Variants in FOCAD observed in about 807,000 individuals in gnomAD.
FOCAD encodes KIAA1797.
In FOCAD, 198 loss-of-function variants were observed where a neutral mutation model predicts 225.6. The observed-to-expected ratio is 0.88, with a 90% CI of 0.78 to 0.99. The LOEUF (loss-of-function observed/expected upper bound fraction) is 0.99, where lower values mean the gene tolerates loss of function less well. Ranked by LOEUF, FOCAD falls within the 50% of genes least tolerant of loss-of-function variation. The pLI, the probability that FOCAD is intolerant of heterozygous loss-of-function variation, is 0.00. For synonymous variants in FOCAD, 897 were observed against 755.0 expected (o/e 1.19, Z -3.08); for missense variants, 2,713 against 2,123.6 (o/e 1.28, Z -5.46).
intron 35 of FOCAD, among the ~76,000 whole-genome samples, chr9:20,954,618 A>T (rs539658534): frequency 6.6e-6 from 1 of 152,182 alleles, no homozygotes; most frequent in South Asian, 2.1e-4. Context: ...ACAACAGGAA[A>T]TGTTCTGCTA....
intron 5 of FOCAD, among the ~76,000 whole-genome samples, chr9:20,752,249 A>G (rs1024699766): frequency 6.6e-6 from 1 of 151,566 alleles, no homozygotes; most frequent in African/African-American, 2.4e-5. Flanking sequence ...TATGTCCTGA[A>G]TGGTAATGCC....
intron 2 of FOCAD, among the ~76,000 whole-genome samples, chr9:20,673,655 C>T (rs951087495): frequency 3.3e-5 from 5 of 152,002 alleles, no homozygotes; most frequent in East Asian, 1.9e-4. Flanking sequence ...AGTGCAGTGG[C>T]GTGATGGCGT....
chr9:20,674,940 A>C (rs944367790), intron 2 of FOCAD, among the ~76,000 whole-genome samples: 2 of 152,168 alleles, frequency 1.3e-5, no homozygotes, highest in Admixed American at 6.5e-5. Context: ...CCAGGGTGAG[A>C]TGGGGTAGAG....
chr9:20,731,716 C>T (rs1020161588), intron 4 of FOCAD, among the ~76,000 whole-genome samples: 1 of 152,224 alleles, frequency 6.6e-6, no homozygotes, highest in South Asian at 2.1e-4. Context: ...CTCCCGGGTT[C>T]AAGCGATTCT....
Position 20,770,227 on chromosome 9 carries a change from C to A in FOCAD, c.895C>A (p.Leu299Ile), listed in dbSNP as rs1332444170. 6.2e-7 allele frequency: 1 copy of A among 1,613,592 alleles called. No individual in the cohort carries two copies. Among genetic ancestry groups the A allele is most frequent in the Admixed American group, 1.7e-5 (1 of 59,950 alleles). ...SIHLLEHSVE[L>I]LKEDFPVELV... ...TCACCTTTTAGAGCACAGTGTTGAA[C>A]TTCTGAAGGAGGTAAGGATAGTAGT... The change falls in exon 8 of 44, where the codon CTT becomes ATT. Residue 299 changes from leucine to isoleucine, a missense_variant. By Grantham distance (5) the Leu-to-Ile change is conservative. Transcript: ENST00000338382.
chr9:20,737,535 A>G (rs936688565), intron 4 of FOCAD, among the ~76,000 whole-genome samples: 2 of 152,226 alleles, frequency 1.3e-5, no homozygotes, highest in Non-Finnish European at 2.9e-5. Flanking sequence ...TCAGTGGTAT[A>G]TAAATAGCTT....
chr9:20,976,385 G>A, intron 35 of FOCAD, 35 bp from the exon 36 acceptor site: 3 of 1,601,684 alleles, frequency 1.9e-6, no homozygotes, highest in Non-Finnish European at 2.6e-6. Flanking sequence ...ATAGTATGCA[G>A]GTGTTTTACT....
intron 9 of FOCAD, 80 bp downstream of exon 9, chr9:20,778,848 G>C: frequency 1.5e-6 from 1 of 686,692 alleles, no homozygotes; most frequent in Non-Finnish European, 2.4e-6. Context: ...TATGTATCCT[G>C]CTATCTTGTG....
chr9:20,867,380 G>T (rs974203506), intron 18 of FOCAD, among the ~76,000 whole-genome samples: 1 of 151,886 alleles, frequency 6.6e-6, no homozygotes, highest in African/African-American at 2.4e-5. Flanking sequence ...ATCTCTATTT[G>T]TGATAAACAA....
intron 5 of FOCAD, among the ~76,000 whole-genome samples, chr9:20,754,566 A>G (rs746102759): frequency 6.6e-5 from 10 of 151,508 alleles, no homozygotes; most frequent in Non-Finnish European, 1.2e-4. Flanking sequence ...TTTTTTAACA[A>G]TTTGGGACTG....
chr9:20,772,502 G>C (rs755432101), intron 8 of FOCAD, among the ~76,000 whole-genome samples: 15 of 152,182 alleles, frequency 9.9e-5, no homozygotes, highest in Non-Finnish European at 1.9e-4. Flanking sequence ...AACCAGCAGA[G>C]ACAGATGACA....
chr9:20,792,913 G>A (rs1037433465), intron 11 of FOCAD, among the ~76,000 whole-genome samples: 2 of 152,150 alleles, frequency 1.3e-5, no homozygotes, highest in Non-Finnish European at 2.9e-5. Flanking sequence ...TTTTAACATG[G>A]AAAATGAATA....
chr9:20,849,529 T>C (rs1015393945), intron 15 of FOCAD, among the ~76,000 whole-genome samples: 1 of 151,986 alleles, frequency 6.6e-6, no homozygotes. Flanking sequence ...TTTTTACATA[T>C]AGTTTTAATT....
intron 37 of FOCAD, 126 bp downstream of exon 37, chr9:20,978,580 G>C (rs1004762814): frequency 1.8e-6 from 1 of 567,102 alleles, no homozygotes. Context: ...AAAATCGAGG[G>C]TTTGATAGTA....
At chr9:20,655,742 AC>A (rs1821467455), upstream of FOCAD, among the ~76,000 whole-genome samples, 1 of 152,030 alleles carries the variant, frequency 6.6e-6, no homozygotes, top group Non-Finnish European at 1.5e-5. Context: ...TGGAGTCATG[AC>A]TTTTTTGAAG....
At chr9:20,665,246 A>T (rs1587177544) in intron 2 of FOCAD, among the ~76,000 whole-genome samples, 3 of 152,186 alleles carry the variant, frequency 2.0e-5, no homozygotes, top group African/African-American at 7.2e-5. Flanking sequence ...TAGGTTTCCA[A>T]GTCTTATAGA....
At chr9:20,838,425 C>T (rs1171590309) in intron 15 of FOCAD, among the ~76,000 whole-genome samples, 1 of 152,074 alleles carries the variant, frequency 6.6e-6, no homozygotes, top group Non-Finnish European at 1.5e-5. Flanking sequence ...AGAGCCATGG[C>T]ACACTGCCTC....
chr9:20,683,293 C>G (rs928895823), upstream of FOCAD: 6 of 152,230 alleles, frequency 3.9e-5, no homozygotes, highest in South Asian at 4.1e-4. Context: ...AGTGATGAGG[C>G]CCAGGCACTT....
At chr9:20,931,422 T>C (rs1268398422) in intron 27 of FOCAD, among the ~76,000 whole-genome samples, 1 of 152,192 alleles carries the variant, frequency 6.6e-6, no homozygotes, top group Non-Finnish European at 1.5e-5. Context: ...CTTCCCAATT[T>C]GTTGGAATTG....
Sources: allele counts gnomAD v4.1 joint callset (sites outside exome capture counted in the v4.1 genomes callset), GRCh38; gene constraint gnomAD v4.1.1; transcripts MANE v1.5; gene names NCBI Gene and HGNC (gene_info 2026-07-23, HGNC 2026-07-21).